KANSL2: variants seen among roughly 807,000 people sequenced by gnomAD.
The protein encoded by KANSL2 is KAT8 regulatory NSL complex subunit 2.
A neutral mutation model predicts 55.6 loss-of-function variants in KANSL2; 34 were observed. The ratio of observed to expected loss-of-function variants is 0.61; its 90% CI spans 0.46 to 0.81. The LOEUF (loss-of-function observed/expected upper bound fraction) is 0.81, where lower values mean the gene tolerates loss of function less well. KANSL2 is among the 40% of genes least tolerant of loss of function. The pLI is 0.00. For missense variants in KANSL2, 502 were observed against 609.9 expected (o/e 0.82, Z 1.86); for synonymous variants, 209 against 214.3 (o/e 0.98, Z 0.22).
At chr12:48,681,209 C>T in intron 2 of KANSL2, 173 bp downstream of exon 2, 1 of 603,986 alleles carries the variant, frequency 1.7e-6, no homozygotes, top group Non-Finnish European at 2.8e-6. Flanking sequence ...ACTAAGTAAT[C>T]CAACTCAAGG....
In KANSL2 at chr12:48,679,762, G is replaced by A. The variant is rs1262951118; in HGVS notation, c.323C>T (p.Pro108Leu). The A allele has an allele frequency of 1.2e-6, 2 of 1,609,588 alleles. No individual in the cohort carries two copies. Among genetic ancestry groups the A allele is most frequent in the Non-Finnish European group, 1.7e-6 (2 of 1,178,002 alleles). ...ALHAQMKKTN[P>L]GPVGETLLCQ... ...CAGGAGTGTTTCACCCACAGGCCCT[G>A]GGTTGGTCTTCTTCATTTGAGCATG... The change falls in exon 3 of 10, where the codon CCA (proline) becomes CTA (leucine). Residue 108 changes from proline to leucine, a missense_variant. Transcript: ENST00000420613.
chr12:48,674,695 G>GT (rs1035801071), intron 4 of KANSL2, among the ~76,000 whole-genome samples: 4 of 152,116 alleles, frequency 2.6e-5, no homozygotes, highest in African/African-American at 7.2e-5. Context: ...CAAGGCCAAG[G>GT]TGGGTGGATC....
intron 6 of KANSL2, 23 bp from the exon 7 acceptor site, chr12:48,667,812 A>G (rs1304093605): frequency 6.6e-7 from 1 of 1,518,104 alleles, no homozygotes; most frequent in Non-Finnish European, 9.1e-7. Flanking sequence ...AAGACAGATA[A>G]AATAGACCCA....
chr12:48,662,690 G>A (rs1244248501), intron 7 of KANSL2: 2 of 1,272,544 alleles, frequency 1.6e-6, no homozygotes, highest in Non-Finnish European at 1.0e-6. Flanking sequence ...AAGTGACTTA[G>A]GCAACTATGG....
At chr12:48,658,843 A>T (rs1162168817) in intron 8 of KANSL2, among the ~76,000 whole-genome samples, 3 of 152,274 alleles carry the variant, frequency 2.0e-5, no homozygotes, top group African/African-American at 7.2e-5. Flanking sequence ...GAAGGAACTC[A>T]AAAGTAGTAA....
intron 6 of KANSL2, among the ~76,000 whole-genome samples, chr12:48,668,500 G>A (rs1939643604): frequency 6.6e-6 from 1 of 152,148 alleles, no homozygotes; most frequent in African/African-American, 2.4e-5. Context: ...GGGAGTTCAA[G>A]ACCAGCCTGA....
intron 8 of KANSL2, 145 bp from the exon 9 acceptor site, chr12:48,655,205 T>C: frequency 2.9e-6 from 2 of 688,782 alleles, no homozygotes; most frequent in South Asian, 4.1e-5. Flanking sequence ...TACAAGAGCG[T>C]CCAACAAATG....
chr12:48,676,430 G>A (rs1307588409), intron 4 of KANSL2, among the ~76,000 whole-genome samples: 1 of 152,046 alleles, frequency 6.6e-6, no homozygotes, highest in East Asian at 1.9e-4. Flanking sequence ...GGAGGCTGAC[G>A]GGCAGATCAC....
At chr12:48,660,713 CTATA>C in intron 7 of KANSL2, 94 bp from the exon 8 acceptor site, 1 of 1,237,794 alleles carries the variant, frequency 8.1e-7, no homozygotes, top group Non-Finnish European at 1.1e-6. Flanking sequence ...AAGGTGTGGA[CTATA>C]TAAGATAAAT....
chr12:48,655,137 A>G, intron 8 of KANSL2, 77 bp from the exon 9 acceptor site: 1 of 1,410,528 alleles, frequency 7.1e-7, no homozygotes, highest in South Asian at 1.3e-5. Flanking sequence ...AGCAAACTTT[A>G]AAGCAATACT....
intron 6 of KANSL2, 49 bp downstream of exon 6, chr12:48,669,054 AAAC>A (rs1939656862): frequency 7.2e-7 from 1 of 1,381,132 alleles, no homozygotes; most frequent in African/African-American, 1.5e-5. Context: ...GAAAAAATAA[AAAC>A]AATAAATAAA....
At chr12:48,680,835 G>A (rs533789639) in intron 2 of KANSL2, among the ~76,000 whole-genome samples, 9 of 151,750 alleles carry the variant, frequency 5.9e-5, no homozygotes, top group African/African-American at 1.5e-4. Context: ...AAAATTAGCC[G>A]GGCATAGTGG....
At chr12:48,681,718 T>C (rs1437289440) in intron 1 of KANSL2, 77 bp from the exon 2 acceptor site, 1 of 1,587,064 alleles carries the variant, frequency 6.3e-7, no homozygotes, top group South Asian at 1.1e-5. Flanking sequence ...GCGCGGACAG[T>C]TTCCAAAGGA....
chr12:48,678,856 G>C (rs1170461868), intron 4 of KANSL2, among the ~76,000 whole-genome samples, 180 bp downstream of exon 4: 1 of 152,068 alleles, frequency 6.6e-6, no homozygotes, highest in African/African-American at 2.4e-5. Flanking sequence ...TTCTAAAAAA[G>C]AATCATCCTG....
chr12:48,671,339 A>C (rs1250788093), intron 5 of KANSL2, among the ~76,000 whole-genome samples: 2 of 152,148 alleles, frequency 1.3e-5, no homozygotes, highest in Non-Finnish European at 2.9e-5. Context: ...TTATTGAAGA[A>C]ACTTTTTTTA....
At chr12:48,657,472 G>T (rs1168622090) in intron 8 of KANSL2, among the ~76,000 whole-genome samples, 5 of 151,912 alleles carry the variant, frequency 3.3e-5, no homozygotes, top group Admixed American at 2.0e-4. Context: ...AGAAACATAG[G>T]GCACAGGATA....
intron 7 of KANSL2, among the ~76,000 whole-genome samples, chr12:48,663,433 T>C (rs752953464): frequency 1.3e-5 from 2 of 152,194 alleles, no homozygotes; most frequent in African/African-American, 2.4e-5. Context: ...ATCAATTTTA[T>C]AGATTTTTAA....
rs770577034 is a variant in KANSL2, at chr12:48,681,457, T to C, written c.176A>G (p.Lys59Arg). 8.1e-6 allele frequency: 13 copies of C among 1,613,868 alleles called. No individual in the cohort carries two copies. Among genetic ancestry groups the C allele is most frequent in the South Asian group, 2.2e-5 (2 of 91,094 alleles). The change falls in exon 2 of 10, where the codon AAG (lysine) becomes AGG (arginine). Residue 59 changes from lysine (K) to arginine (R), a missense_variant. Lys to Arg is a conservative substitution (Grantham distance 26). Coordinates refer to ENST00000420613, the MANE Select transcript of KANSL2 (RefSeq NM_017822.4). ...HILEDKNAPFKQCSYISTKNG... is the reference protein window; with the variant it reads ...HILEDKNAPFRQCSYISTKNG... ...CTTCGTCGATATATAACTACACTGC[T>C]TGAAGGGTGCATTCTTGTCTTCAAG...
intron 8 of KANSL2, chr12:48,656,694 T>C: frequency 3.9e-6 from 2 of 518,130 alleles, no homozygotes; most frequent in Non-Finnish European, 7.7e-6. Flanking sequence ...GAATACTGAA[T>C]AGCCAACAGA....
Sources: allele counts gnomAD v4.1 joint callset (sites outside exome capture counted in the v4.1 genomes callset), GRCh38; gene constraint gnomAD v4.1.1; transcripts MANE v1.5; gene names NCBI Gene and HGNC (gene_info 2026-07-23, HGNC 2026-07-21).